KDM1B: variants seen among roughly 807,000 people sequenced by gnomAD.
KDM1B encodes lysine demethylase 1B.
In KDM1B, 63 loss-of-function variants were observed where a neutral mutation model predicts 107.4. The ratio of observed to expected loss-of-function variants is 0.59; its 90% confidence interval spans 0.48 to 0.72. The LOEUF (loss-of-function observed/expected upper bound fraction) is 0.72. Among genes scored for constraint, KDM1B ranks in the 30% least tolerant of loss-of-function variants. The pLI, the probability that KDM1B is intolerant of heterozygous loss-of-function variation, is 0.00. For synonymous variants in KDM1B, 363 were observed against 363.9 expected (o/e 1.00, Z 0.03); for missense variants, 749 against 1,020.8 (o/e 0.73, Z 3.63).
At chr6:18,184,632 A>G (rs1786714784) in intron 7 of KDM1B, among the ~76,000 whole-genome samples, 1 of 150,624 alleles carries the variant, frequency 6.6e-6, no homozygotes, top group Non-Finnish European at 1.5e-5. Context: ...ATGTGTAGTC[A>G]TAGTTTGTTC....
intron 8 of KDM1B, among the ~76,000 whole-genome samples, chr6:18,187,018 A>G (rs1294745171): frequency 7.3e-6 from 1 of 137,696 alleles, no homozygotes; most frequent in Non-Finnish European, 1.5e-5. Flanking sequence ...TCCAGGCTCC[A>G]GAATAGACAT....
rs907953131 is a variant in KDM1B at position 18,205,161 on chromosome 6, A to G, written c.1532-376A>G. Among the ~76,000 whole-genome samples, 13 of 152,136 alleles carry G rather than the reference A, an allele frequency of 8.5e-5. No homozygotes were observed. Among genetic ancestry groups the G allele is most frequent in the Non-Finnish European group, 2.9e-5 (2 of 68,022 alleles). The stretch of plus-strand genomic sequence containing the variant: ...CAGCAGGACCAGAAAGAGAATGGTA[A>G]CTTCTGTGTGTGTGCATGTACATCT... On this transcript the variant is annotated intron_variant, in intron 14 of 21. Transcript: ENST00000650836. The surrounding 1 kb of genome is among the most constrained non-coding windows in gnomAD (Gnocchi z 5.7).
At chr6:18,169,200 T>C (rs934143764) in intron 6 of KDM1B, among the ~76,000 whole-genome samples, 3 of 151,444 alleles carry the variant, frequency 2.0e-5, no homozygotes, top group African/African-American at 7.3e-5. Context: ...AGTTGTCTTT[T>C]TGTAGTTGAG....
rs926587659 is a variant in KDM1B at position 18,200,696 on chromosome 6, T to C, written c.1359+120T>C. ...CATATAACAGCCCCCTCATCTCCTA[T>C]GCAAAGCAGTAAGAATTACACTTCT... On this transcript the variant is annotated intron_variant, in intron 13 of 21. Transcript: ENST00000650836. The surrounding 1 kb of genome is among the most constrained non-coding windows in gnomAD (Gnocchi z 4.3). 7 of 747,070 alleles carry C rather than the reference T, an allele frequency of 9.4e-6. No homozygotes were observed. Among genetic ancestry groups the C allele is most frequent in the African/African-American group, 1.8e-5 (1 of 55,708 alleles). The allele number at this position is 747,070 out of a possible 1,614,324, so 46.3% of individuals were successfully genotyped here.
intron 17 of KDM1B, 91 bp downstream of exon 17, chr6:18,208,297 C>G (rs1788530579): frequency 2.2e-6 from 2 of 895,698 alleles, no homozygotes; most frequent in Admixed American, 4.7e-5. Context: ...AGGAGTTTGC[C>G]TTTGGGAATC....
chr6:18,163,426 C>T (rs970846541), intron 5 of KDM1B, among the ~76,000 whole-genome samples: 3 of 151,984 alleles, frequency 2.0e-5, no homozygotes, highest in Admixed American at 6.6e-5. Context: ...TTATTGTTTT[C>T]GATTTCATTT....
Position 18,222,411 on chromosome 6 carries a change from T to C in KDM1B, c.*419T>C, listed in dbSNP as rs367830484. The stretch of plus-strand genomic sequence containing the variant: ...CAGATAAAGCCATGTTTTTCTTCTG[T>C]GACAATTTATCAGTATCTTTACCAA... On this transcript the variant is annotated 3_prime_UTR_variant, in exon 22 of 22. Coordinates refer to ENST00000650836, the MANE Select transcript of KDM1B (RefSeq NM_001364614.2). 2.0e-5 allele frequency: 6 copies of C among 306,274 alleles called. No homozygotes were observed. Among genetic ancestry groups the C allele is most frequent in the African/African-American group, 1.3e-4 (6 of 45,378 alleles). The allele number at this position is 306,274 out of a possible 1,614,324, so 19.0% of individuals were successfully genotyped here.
chr6:18,187,958 G>C lies in KDM1B; in HGVS notation c.740G>C (p.Ser247Thr), dbSNP rs1301608551. Residue 247 changes from serine to threonine, a missense_variant, in exon 9 of 22, where the codon AGC becomes ACC. Transcript: ENST00000650836. The part of the protein sequence containing the change: ...TNRAAATGNA[S>T]PGKLEHSKAA... ...CGCGCCGCTGCCACTGGCAATGCCAGCCCTGGGAAGCTGGAGCACTCCAAG... is the reference window on the plus strand; with the variant it reads ...CGCGCCGCTGCCACTGGCAATGCCACCCCTGGGAAGCTGGAGCACTCCAAG... 2 of 1,550,484 alleles carry C rather than the reference G, an allele frequency of 1.3e-6. No individual in the cohort carries two copies. The highest frequency in any genetic ancestry group is 2.7e-5 in the African/African-American group (2 of 73,172).
intron 2 of KDM1B, among the ~76,000 whole-genome samples, chr6:18,157,858 G>A (rs1359703934): frequency 7.0e-6 from 1 of 142,908 alleles, no homozygotes; most frequent in Admixed American, 7.4e-5. Context: ...TGTTGCCGAG[G>A]CTGGAGTGCA....
At chr6:18,216,782 C>T (rs979250133) in intron 20 of KDM1B, among the ~76,000 whole-genome samples, 3 of 152,104 alleles carry the variant, frequency 2.0e-5, no homozygotes, top group African/African-American at 7.2e-5. Context: ...TTCAGTATAG[C>T]GTTATAATTG....
Position 18,162,382 on chromosome 6 carries a change from A to G in KDM1B, c.216-453A>G, listed in dbSNP as rs537544182. Among the ~76,000 whole-genome samples the G allele has an allele frequency of 5.9e-5, 9 of 152,314 alleles. No homozygotes were observed. In the South Asian group the frequency reaches 1.2e-3, roughly 21 times the overall value. ...ACGTGGTGATCGTGTTCATAGTGGC[A>G]TGATTTTTCATTCTCTTGCTATATT... On this transcript the variant is annotated intron_variant, in intron 4 of 21. Coordinates refer to ENST00000650836, the MANE Select transcript of KDM1B (RefSeq NM_001364614.2). This position sits in a 1 kb window ranked among gnomAD's most constrained non-coding sequence, Gnocchi z 4.1.
chr6:18,192,738 C>CAA (rs534083654), intron 10 of KDM1B, among the ~76,000 whole-genome samples: 5,905 of 125,126 alleles, frequency 0.047, 412 homozygotes, highest in African/African-American at 0.15. Flanking sequence ...GATCCCGTCT[C>CAA]AAAAAAAAAA....
At position 18,165,320 on chromosome 6, in the gene KDM1B, C is replaced by T. The variant is rs912607791; in HGVS notation, c.306-947C>T. On this transcript the variant is annotated intron_variant, in intron 5 of 21. Transcript: ENST00000650836. ...TAATTTTTTGTATTTTTAGTAGAGACGGGGTTTCACTGTGTTAGCCAGGAT... is the reference window on the plus strand; with the variant it reads ...TAATTTTTTGTATTTTTAGTAGAGATGGGGTTTCACTGTGTTAGCCAGGAT... 7.3e-5 allele frequency among the ~76,000 whole-genome samples: 11 copies of T among 151,258 alleles called. No homozygotes were observed. In the East Asian group the frequency reaches 9.9e-4, roughly 14 times the overall value.
intron 17 of KDM1B, among the ~76,000 whole-genome samples, chr6:18,210,346 T>TTTTTTTTTG (rs1356928422): frequency 2.6e-5 from 1 of 38,644 alleles, no homozygotes; most frequent in African/African-American, 1.2e-4. Flanking sequence ...TCTTTTCTTT[T>TTTTTTTTTG]TTTTTTTTTT....
In KDM1B at chr6:18,159,622, T is replaced by A. The variant is rs1252338549; in HGVS notation, c.-13-261T>A. Among the ~76,000 whole-genome samples the A allele has an allele frequency of 6.6e-6, 1 of 152,180 alleles. No homozygotes were observed. Among genetic ancestry groups the A allele is most frequent in the Non-Finnish European group, 1.5e-5 (1 of 68,038 alleles). ...AGGTTAAGAACTTGAAAATGGTGGC[T>A]TGAGCCAGGTGGTGTGGTGACGTGC... On this transcript the variant is annotated intron_variant, in intron 2 of 21. Coordinates refer to ENST00000650836, the MANE Select transcript of KDM1B (RefSeq NM_001364614.2). This position sits in a 1 kb window ranked among gnomAD's most constrained non-coding sequence, Gnocchi z 4.5.
intron 6 of KDM1B, among the ~76,000 whole-genome samples, chr6:18,169,774 A>G (rs1192616254): frequency 2.0e-5 from 3 of 152,070 alleles, no homozygotes; most frequent in African/African-American, 7.2e-5. Flanking sequence ...GCTTACGTTT[A>G]GGTATTATTT....
At position 18,187,825 on chromosome 6, in the gene KDM1B, T is replaced by A; in HGVS notation, c.607T>A (p.Ser203Thr). The change falls in exon 9 of 22, where the codon TCT becomes ACT. Residue 203 changes from serine to threonine, a missense_variant. Physicochemically the swap from Ser to Thr is moderately conservative, Grantham distance 58. Transcript: ENST00000650836. The stretch of plus-strand genomic sequence containing the variant: ...GGAAGTTTCCAACCATTGGTGGTAC[T>A]CTATGCTCATCCTACCTCCTTTGCT... ...VLEVSNHWWY[S>T]MLILPPLLKD... The A allele has an allele frequency of 1.9e-6, 3 of 1,550,436 alleles. No individual in the cohort carries two copies. Among genetic ancestry groups the A allele is most frequent in the Non-Finnish European group, 2.6e-6 (3 of 1,146,886 alleles).
In KDM1B at chr6:18,159,862, G is replaced by C. The variant is rs1784856606; in HGVS notation, c.-13-21G>C. On this transcript the variant is annotated intron_variant, in intron 2 of 21. Transcript: ENST00000650836. The surrounding 1 kb of genome is among the most constrained non-coding windows in gnomAD (Gnocchi z 4.5). ...ATATTTGCAGATGCTAATATTTAAT[G>C]GTCTGATTTTTCTTTTGCAGATTAT... 2 of 1,254,896 alleles carry C rather than the reference G, an allele frequency of 1.6e-6. No individual in the cohort carries two copies. Among genetic ancestry groups the C allele is most frequent in the South Asian group, 2.5e-5 (2 of 81,234 alleles). 77.7% of individuals were successfully genotyped at this position (1,254,896 alleles called of 1,614,324 possible). A position where few individuals can be genotyped will look rare whatever the true frequency, so the allele number is the denominator to read the frequency against.
rs1786241353 is a variant in KDM1B, at chr6:18,178,971, A to C, written c.535-6801A>C. 3.3e-5 allele frequency among the ~76,000 whole-genome samples: 5 copies of C among 152,358 alleles called. No homozygotes were observed. In the South Asian group the frequency reaches 1.0e-3, roughly 32 times the overall value. ...AGTGTTCTATAGAAGTGATGAGAGC[A>C]GACAACCTTGCCTTGTTCCTGACTT... On this transcript the variant is annotated intron_variant, in intron 7 of 21. Transcript: ENST00000650836.
Sources: gnomAD v4.1 joint callset for allele counts (sites outside exome capture counted in the v4.1 genomes callset) on GRCh38, gnomAD v4.1.1 for gene constraint, Gnocchi (gnomAD v3.1) non-coding constraint, MANE v1.5 for transcripts, NCBI Gene and HGNC (gene_info 2026-07-23, HGNC 2026-07-21) for gene names.